Variants in INO80 observed in about 807,000 individuals in gnomAD.
INO80 encodes the protein INO80 complex ATPase subunit.
INO80 carries 20 observed loss-of-function variants against 203.4 expected under a neutral mutation model. The ratio of observed to expected loss-of-function variants is 0.10; its 90% CI spans 0.07 to 0.14. INO80 has a LOEUF of 0.14. Ranked by LOEUF, INO80 falls within the 10% of genes least tolerant of loss-of-function variation. The probability of loss-of-function intolerance (pLI) is 1.00; values close to 1 mark genes in which losing one functional copy is unlikely to be tolerated. For synonymous variants in INO80, 726 were observed against 685.2 expected (o/e 1.06, Z -0.93); for missense variants, 1,419 against 1,914.4 (o/e 0.74, Z 4.83).
chr15:41,048,003 C>A (rs763815121), intron 22 of INO80, among the ~76,000 whole-genome samples: 1 of 152,152 alleles, frequency 6.6e-6, no homozygotes, highest in Non-Finnish European at 1.5e-5. Context: ...GTCAATAATA[C>A]TATTTTCTAC....
chr15:41,085,035 C>A (rs927946101), intron 7 of INO80, among the ~76,000 whole-genome samples: 2 of 152,196 alleles, frequency 1.3e-5, no homozygotes, highest in Non-Finnish European at 2.9e-5. Context: ...CCATGCCTGG[C>A]CTCTTTTTAA....
intron 15 of INO80, among the ~76,000 whole-genome samples, chr15:41,059,649 G>A (rs924077295): frequency 2.7e-5 from 4 of 150,778 alleles, no homozygotes; most frequent in Admixed American, 2.7e-4. Flanking sequence ...GCAAGACCTT[G>A]TCTCAAAAAA....
At chr15:41,099,647 T>C (rs1244208045) in intron 1 of INO80, among the ~76,000 whole-genome samples, 1 of 151,598 alleles carries the variant, frequency 6.6e-6, no homozygotes, top group Non-Finnish European at 1.5e-5. Flanking sequence ...CTGAGTGTAG[T>C]GGCATGCACC....
chr15:41,014,104 C>A (rs1394664049), intron 27 of INO80, among the ~76,000 whole-genome samples: 1 of 152,100 alleles, frequency 6.6e-6, no homozygotes, highest in Non-Finnish European at 1.5e-5. Flanking sequence ...GTGCGATACA[C>A]CGAGGGAAGG....
chr15:40,982,952 C>G lies in INO80; in HGVS notation c.4363G>C (p.Gly1455Arg). Reference protein sequence around the residue: ...GKGRSRKSTAGSAAAMAGAKA... With the variant: ...GKGRSRKSTARSAAAMAGAKA... ...GCTCCTGCCATTGCAGCAGCACTGC[C>G]TGCCGTGGACTTTCGGCTCCGGCCC... The change falls in exon 35 of 36, where the codon GGC becomes CGC. Residue 1455 changes from glycine to arginine, a missense_variant. Coordinates refer to ENST00000648947, the MANE Select transcript of INO80 (RefSeq NM_017553.3). 1 of 1,614,216 alleles carries G rather than the reference C, an allele frequency of 6.2e-7. No homozygotes were observed. The highest frequency in any genetic ancestry group is 1.7e-5 in the Admixed American group (1 of 60,028).
At chr15:41,073,384 T>G (rs375936891) in intron 11 of INO80, 44 bp downstream of exon 11, 1 of 1,515,230 alleles carries the variant, frequency 6.6e-7, no homozygotes, top group Non-Finnish European at 9.2e-7. Flanking sequence ...TTGTGGGGTA[T>G]TTCCAGGGCC....
chr15:40,996,627 A>ATTAC (rs2043885428), intron 29 of INO80, among the ~76,000 whole-genome samples: 1 of 152,124 alleles, frequency 6.6e-6, no homozygotes. Flanking sequence ...CCCAGCCAGG[A>ATTAC]ATCCTCTTTT....
In INO80 at chr15:41,044,978, T is replaced by G; in HGVS notation, c.2833A>C (p.Arg945=). The G allele has an allele frequency of 6.2e-7, 1 of 1,614,026 alleles. No individual in the cohort carries two copies. The highest frequency in any genetic ancestry group is 1.3e-5 in the African/African-American group (1 of 75,040). ...PEGESHQRYL[R]NKDFLLGVNF... is the part of the protein sequence containing the mutation. ...ACCCCAAGAAGGAAATCCTTGTTCCTCAGGTATCTCTGGTGGCTCTCCCCT... is the reference window on the plus strand; with the variant it reads ...ACCCCAAGAAGGAAATCCTTGTTCCGCAGGTATCTCTGGTGGCTCTCCCCT... The change falls in exon 24 of 36, where the codon AGG becomes CGG. Residue 945 remains arginine (R), a synonymous_variant. Coordinates refer to ENST00000648947, the MANE Select transcript of INO80 (RefSeq NM_017553.3).
intron 9 of INO80, among the ~76,000 whole-genome samples, chr15:41,078,868 T>C (rs2045442540): frequency 6.6e-6 from 1 of 152,124 alleles, no homozygotes; most frequent in South Asian, 2.1e-4. Flanking sequence ...AGGCTGGGCA[T>C]GGTGGCTCAC....
At chr15:41,081,478 A>G (rs1273435166) in intron 7 of INO80, among the ~76,000 whole-genome samples, 1 of 152,176 alleles carries the variant, frequency 6.6e-6, no homozygotes, top group Non-Finnish European at 1.5e-5. Context: ...AGAAAGATAA[A>G]CTAGTCTCCT....
chr15:41,074,594 C>A (rs746771507), intron 9 of INO80, 29 bp from the exon 10 acceptor site: 2 of 1,499,014 alleles, frequency 1.3e-6, no homozygotes, highest in South Asian at 1.2e-5. Flanking sequence ...GAAAACAGAG[C>A]CAAATTATCA....
chr15:41,015,899 C>G, intron 27 of INO80, among the ~76,000 whole-genome samples, 189 bp downstream of exon 27: 1 of 147,990 alleles, frequency 6.8e-6, no homozygotes, highest in East Asian at 2.0e-4. Flanking sequence ...GAGCCGAGAT[C>G]GCATCACTGC....
At position 41,049,277 on chromosome 15, in the gene INO80, A is replaced by G; in HGVS notation, c.2576+10T>C. On this transcript the variant is annotated intron_variant, in intron 21 of 35. Coordinates refer to ENST00000648947, the MANE Select transcript of INO80 (RefSeq NM_017553.3). The stretch of plus-strand genomic sequence containing the variant: ...ACACTAATAGTGAACAGATAGTAAT[A>G]CTTCCCTACCTGTCTCGTGAATGAT... The G allele has an allele frequency of 6.2e-7, 1 of 1,607,070 alleles. No individual in the cohort carries two copies. Among genetic ancestry groups the G allele is most frequent in the Non-Finnish European group, 8.5e-7 (1 of 1,176,202 alleles).
chr15:41,055,417 G>T, intron 17 of INO80, 53 bp from the exon 18 acceptor site: 1 of 1,213,656 alleles, frequency 8.2e-7, no homozygotes, highest in Non-Finnish European at 1.2e-6. Flanking sequence ...ATGACAGCGT[G>T]TAAGGATGTA....
At chr15:41,115,411 G>T (rs928134437) in intron 1 of INO80, among the ~76,000 whole-genome samples, 4 of 152,176 alleles carry the variant, frequency 2.6e-5, no homozygotes, top group East Asian at 1.9e-4. Flanking sequence ...CAGAAGAGGT[G>T]TCATCTAGAC....
At chr15:41,060,071 T>A in intron 14 of INO80, 145 bp from the exon 15 acceptor site, 1 of 603,282 alleles carries the variant, frequency 1.7e-6, no homozygotes, top group Non-Finnish European at 2.9e-6. Context: ...ATAAATGGTT[T>A]AACCAACCCT....
chr15:41,002,532 T>C (rs572234855), intron 28 of INO80, among the ~76,000 whole-genome samples: 1 of 152,340 alleles, frequency 6.6e-6, no homozygotes, highest in Admixed American at 6.5e-5. Flanking sequence ...ACTGCGGCTC[T>C]AAAACTCAGA....
intron 6 of INO80, among the ~76,000 whole-genome samples, chr15:41,087,037 A>G (rs1245550050): frequency 6.6e-6 from 1 of 152,208 alleles, no homozygotes; most frequent in Non-Finnish European, 1.5e-5. Flanking sequence ...ACTAAAGACT[A>G]TAAGCCAAAT....
At chr15:41,105,248 T>C (rs1308643239) in intron 1 of INO80, among the ~76,000 whole-genome samples, 1 of 152,184 alleles carries the variant, frequency 6.6e-6, no homozygotes, top group Admixed American at 6.6e-5. Flanking sequence ...CTTTAAATGT[T>C]AAACATTATC....
Sources: allele counts gnomAD v4.1 joint callset (sites outside exome capture counted in the v4.1 genomes callset), GRCh38; gene constraint gnomAD v4.1.1; transcripts MANE v1.5; gene names NCBI Gene and HGNC (gene_info 2026-07-23, HGNC 2026-07-21).